The following GNAS-AS1 variants were observed in gnomAD, a reference collection of about 807,000 sequenced individuals.
GNAS-AS1 encodes the protein GNAS antisense RNA 1 (non-protein coding).
chr20:58,823,146 C>T (rs2085497032), intron 4 of GNAS-AS1, among the ~76,000 whole-genome samples: 1 of 152,206 alleles, frequency 6.6e-6, no homozygotes, highest in South Asian at 2.1e-4. Context: ...TCCCCCTGCC[C>T]CTCCATCCTG....
intron 2 of GNAS-AS1, chr20:58,844,083 G>C (rs993508631): frequency 6.6e-6 from 1 of 152,176 alleles, no homozygotes; most frequent in African/African-American, 2.4e-5. Flanking sequence ...TGGTAAGAAT[G>C]AGGTTTTTTG....
intron 4 of GNAS-AS1, chr20:58,838,708 A>G (rs1053413936): frequency 7.3e-6 from 2 of 273,052 alleles, no homozygotes; most frequent in Non-Finnish European, 1.3e-5. Flanking sequence ...ACTTGAGGTC[A>G]GGAGTTTGAA....
intron 2 of GNAS-AS1, chr20:58,842,681 A>G (rs1256171706): frequency 2.5e-6 from 1 of 395,944 alleles, no homozygotes; most frequent in Non-Finnish European, 4.4e-6. Flanking sequence ...ATTCCTGCTT[A>G]ATGTAAACAA....
At chr20:58,831,703 TCA>T (rs2085569842) in intron 4 of GNAS-AS1, among the ~76,000 whole-genome samples, 1 of 150,456 alleles carries the variant, frequency 6.6e-6, no homozygotes, top group Non-Finnish European at 1.5e-5. Flanking sequence ...GCAGTTTTAT[TCA>T]TTCATTCATT....
At chr20:58,836,687 G>A (rs113608592) in intron 4 of GNAS-AS1, among the ~76,000 whole-genome samples, 90 of 152,274 alleles carry the variant, frequency 5.9e-4, no homozygotes, top group African/African-American at 2.0e-3. Flanking sequence ...TTAAAGTCAC[G>A]CACGTAATGC....
intron 2 of GNAS-AS1, among the ~76,000 whole-genome samples, chr20:58,847,531 C>T (rs1204731251): frequency 6.6e-6 from 1 of 152,226 alleles, no homozygotes; most frequent in Non-Finnish European, 1.5e-5. Flanking sequence ...GGCTGAGAAG[C>T]TTCATAGTTG....
chr20:58,828,826 C>A (rs1458916029), intron 4 of GNAS-AS1, among the ~76,000 whole-genome samples: 1 of 152,124 alleles, frequency 6.6e-6, no homozygotes, highest in Non-Finnish European at 1.5e-5. Flanking sequence ...CCCCACCACC[C>A]CACTCAACAT....
exon 5 of GNAS-AS1, chr20:58,819,115 C>T (rs2085468526): frequency 2.5e-6 from 1 of 398,624 alleles, no homozygotes; most frequent in Non-Finnish European, 4.4e-6. Flanking sequence ...ACCTTTCTTT[C>T]AGAGGGCAAA....
intron 4 of GNAS-AS1, chr20:58,836,627 T>C (rs1158943491): frequency 6.6e-6 from 1 of 152,188 alleles, no homozygotes; most frequent in African/African-American, 2.4e-5. Context: ...ACAGAGGTGG[T>C]TCATCACCCA....
intron 4 of GNAS-AS1, among the ~76,000 whole-genome samples, chr20:58,824,710 A>C (rs181728085): frequency 1.1e-3 from 175 of 152,344 alleles, no homozygotes; most frequent in Non-Finnish European, 2.2e-3. Flanking sequence ...CCCTGCCAGA[A>C]GAAACCAAAT....
At chr20:58,824,095 G>A (rs1452901614) in intron 4 of GNAS-AS1, 4 of 398,520 alleles carry the variant, frequency 1.0e-5, no homozygotes, top group African/African-American at 2.1e-5. Flanking sequence ...CATGAAGAAC[G>A]AACTGTTAGG....
chr20:58,839,404 G>A (rs2085644698), intron 4 of GNAS-AS1: 2 of 399,562 alleles, frequency 5.0e-6, no homozygotes, highest in African/African-American at 2.1e-5. Flanking sequence ...GGGGTTCTGG[G>A]TTTTTAGCTG....
intron 4 of GNAS-AS1, among the ~76,000 whole-genome samples, chr20:58,829,179 G>A (rs2085539611): frequency 6.6e-6 from 1 of 152,168 alleles, no homozygotes; most frequent in Admixed American, 6.5e-5. Flanking sequence ...TTCTACCTGG[G>A]TGTCATCCTG....
rs189531575 is a variant in GNAS-AS1 at position 58,825,521 on chromosome 20, T to C, written n.820-6266A>G. 1.2e-4 allele frequency among the ~76,000 whole-genome samples: 18 copies of C among 152,310 alleles called. No individual in the cohort carries two copies. The East Asian group carries it at 3.5e-3, about 29-fold the overall frequency. The stretch of plus-strand genomic sequence containing the variant: ...GCCAGGGATACTGGTAATCTTTCAA[T>C]AGCAGTTGTATAATTTTCCTTTAAA... On this transcript the variant is annotated intron_variant and non_coding_transcript_variant, in intron 4 of 4. Transcript: ENST00000424094.
At chr20:58,837,992 G>A (rs2085618366) in intron 4 of GNAS-AS1, among the ~76,000 whole-genome samples, 1 of 152,212 alleles carries the variant, frequency 6.6e-6, no homozygotes, top group Non-Finnish European at 1.5e-5. Flanking sequence ...CCAGTACCAG[G>A]AGGGCCTGGT....
chr20:58,839,895 G>GA (rs2085655140), intron 4 of GNAS-AS1: 1 of 601,962 alleles, frequency 1.7e-6, no homozygotes, highest in Non-Finnish European at 3.0e-6. Context: ...GCTCAGAGAG[G>GA]CAAGCAAGGC....
chr20:58,821,996 C>T (rs978658770), intron 4 of GNAS-AS1, among the ~76,000 whole-genome samples: 4 of 152,180 alleles, frequency 2.6e-5, no homozygotes, highest in African/African-American at 4.8e-5. Context: ...ATCCCTATCC[C>T]GACGAGAATG....
At chr20:58,835,967 G>A (rs2092836984) in intron 4 of GNAS-AS1, among the ~76,000 whole-genome samples, 1 of 152,164 alleles carries the variant, frequency 6.6e-6, no homozygotes, top group South Asian at 2.1e-4. Flanking sequence ...TGGGTCCATT[G>A]CACACATCTG....
rs1274269300 is a variant in GNAS-AS1 at position 58,840,133 on chromosome 20, G to A, written n.819+1804C>T. ...TGGATCGGAGGTCCCGGGCTCAGCA[G>A]TGGCGCCGAGCTCGCCATAATTACA... On this transcript the variant is annotated intron_variant and non_coding_transcript_variant, in intron 4 of 4. Coordinates refer to ENST00000424094, the Ensembl canonical transcript of GNAS-AS1. This position sits in a 1 kb window ranked among gnomAD's most constrained non-coding sequence, Gnocchi z 6.0. 5.7e-5 allele frequency: 92 copies of A among 1,611,450 alleles called. No homozygotes were observed. The highest frequency in any genetic ancestry group is 7.5e-5 in the Non-Finnish European group (89 of 1,179,992).
Sources: allele counts gnomAD v4.1 joint callset (sites outside exome capture counted in the v4.1 genomes callset), GRCh38; gene constraint gnomAD v4.1.1; non-coding constraint Gnocchi (gnomAD v3.1); transcripts MANE v1.5; gene names NCBI Gene and HGNC (gene_info 2026-07-23, HGNC 2026-07-21).